The following TNRC6A variants were observed in gnomAD, a reference collection of about 807,000 sequenced individuals.
TNRC6A encodes trinucleotide repeat-containing gene 6A protein.
In TNRC6A, 44 loss-of-function variants were observed where a neutral mutation model predicts 221.2. The ratio of observed to expected loss-of-function variants is 0.20; its 90% CI spans 0.16 to 0.26. TNRC6A has a LOEUF of 0.26. TNRC6A is among the 10% of genes least tolerant of loss of function. TNRC6A has a pLI of 1.00. For synonymous variants in TNRC6A, 847 were observed against 838.5 expected (o/e 1.01, Z -0.18); for missense variants, 2,199 against 2,404.4 (o/e 0.91, Z 1.79).
intron 2 of TNRC6A, among the ~76,000 whole-genome samples, chr16:24,730,783 T>C (rs1431170218): frequency 8.2e-6 from 1 of 121,264 alleles, no homozygotes; most frequent in African/African-American, 3.2e-5. Flanking sequence ...GCGGATTCTG[T>C]TGCATTGGAC....
intron 22 of TNRC6A, 168 bp from the exon 23 acceptor site, chr16:24,821,909 G>T (rs775319816): frequency 3.1e-6 from 2 of 637,774 alleles, no homozygotes; most frequent in South Asian, 4.0e-5. Context: ...AGGAGTTAAT[G>T]CCTGGCCATG....
intron 1 of TNRC6A, among the ~76,000 whole-genome samples, chr16:24,636,900 A>AT (rs1004782809): frequency 6.6e-6 from 1 of 152,156 alleles, no homozygotes; most frequent in Non-Finnish European, 1.5e-5. Flanking sequence ...ATTTGTAAGC[A>AT]TTTTATGTAG....
rs1312069041 is a variant in TNRC6A, at chr16:24,820,221, T to C, written c.5163T>C (p.Pro1721=). Residue 1721 remains proline, a synonymous_variant, in exon 22 of 25, where the codon CCT becomes CCC. Coordinates refer to ENST00000395799, the MANE Select transcript of TNRC6A (RefSeq NM_014494.4). ...TSLAHELWKV[P]LPPKNITAPS... ...TGGCTCATGAGCTGTGGAAGGTCCC[T>C]TTGCCACCTAAAAACATCACTGCTC... 6.2e-6 allele frequency: 10 copies of C among 1,614,014 alleles called. No individual in the cohort carries two copies. The East Asian group carries it at 1.6e-4, about 25-fold the overall frequency.
chr16:24,629,805 T>TA (rs951344274), intron 1 of TNRC6A, among the ~76,000 whole-genome samples: 3 of 151,874 alleles, frequency 2.0e-5, no homozygotes, highest in African/African-American at 7.3e-5. Context: ...CCTGACTCTA[T>TA]AAAAAAGTAC....
chr16:24,806,976 A>G (rs2058445716), intron 17 of TNRC6A, among the ~76,000 whole-genome samples, 192 bp downstream of exon 17: 1 of 151,642 alleles, frequency 6.6e-6, no homozygotes, highest in Non-Finnish European at 1.5e-5. Context: ...TCTCTCCTCA[A>G]GAAAATCACG....
chr16:24,632,093 C>G (rs1455851053), intron 1 of TNRC6A, among the ~76,000 whole-genome samples: 1 of 152,124 alleles, frequency 6.6e-6, no homozygotes, highest in Non-Finnish European at 1.5e-5. Flanking sequence ...TTAAATGATT[C>G]TCCTGCCTCT....
intron 5 of TNRC6A, among the ~76,000 whole-genome samples, chr16:24,780,770 A>G: frequency 6.7e-6 from 1 of 149,606 alleles, no homozygotes; most frequent in South Asian, 2.1e-4. Flanking sequence ...TTTTTTTTTT[A>G]AAGAAAAAGA....
At chr16:24,692,071 T>C (rs982115516) in intron 2 of TNRC6A, among the ~76,000 whole-genome samples, 4 of 152,190 alleles carry the variant, frequency 2.6e-5, no homozygotes, top group African/African-American at 9.6e-5. Context: ...GTCCACAAAG[T>C]ATACTTTGCT....
At chr16:24,614,125 C>T (rs1900219342) in intron 1 of TNRC6A, among the ~76,000 whole-genome samples, 1 of 152,166 alleles carries the variant, frequency 6.6e-6, no homozygotes, top group African/African-American at 2.4e-5. Context: ...TGCTGATTGG[C>T]AGGGGCAATT....
At chr16:24,677,409 C>T (rs1235901583) in intron 2 of TNRC6A, among the ~76,000 whole-genome samples, 2 of 152,120 alleles carry the variant, frequency 1.3e-5, no homozygotes, top group East Asian at 3.9e-4. Context: ...GTGATCCGCC[C>T]ACCTTGGCCT....
intron 9 of TNRC6A, 124 bp from the exon 10 acceptor site, chr16:24,797,366 T>C (rs2058240182): frequency 1.6e-6 from 1 of 640,492 alleles, no homozygotes; most frequent in African/African-American, 1.9e-5. Context: ...TAAGAGTTGA[T>C]TGGAGGAGAA....
At chr16:24,808,467 C>G (rs987575296) in intron 17 of TNRC6A, among the ~76,000 whole-genome samples, 59 of 152,178 alleles carry the variant, frequency 3.9e-4, no homozygotes, top group African/African-American at 1.4e-3. Flanking sequence ...CGTGCTGCAC[C>G]AGCAGAGTTG....
intron 2 of TNRC6A, among the ~76,000 whole-genome samples, chr16:24,672,279 G>A (rs973265968): frequency 6.6e-6 from 1 of 151,910 alleles, no homozygotes; most frequent in Non-Finnish European, 1.5e-5. Context: ...ACGCCGCCAC[G>A]CCTGGCTAAT....
In TNRC6A at chr16:24,774,032, C is replaced by G. The variant is rs138072639; in HGVS notation, c.164-2901C>G. Among the ~76,000 whole-genome samples, 216 of 152,224 alleles carry G rather than the reference C, an allele frequency of 1.4e-3. 2 individuals carry two copies. Among genetic ancestry groups the G allele is most frequent in the African/African-American group, 5.0e-3 (207 of 41,532 alleles). On this transcript the variant is annotated intron_variant, in intron 4 of 24. Coordinates refer to ENST00000395799, the MANE Select transcript of TNRC6A (RefSeq NM_014494.4). ...GGCTTCTATTTAGCATCCTAGTTTG[C>G]ATTAACCAGAATTTTGAAATTTTTT... is the stretch of plus-strand genomic sequence containing the variant.
At chr16:24,711,843 T>C (rs2056211692) in intron 2 of TNRC6A, among the ~76,000 whole-genome samples, 1 of 152,080 alleles carries the variant, frequency 6.6e-6, no homozygotes, top group Non-Finnish European at 1.5e-5. Context: ...TTTTTAAAAA[T>C]AGAGATGGAA....
In TNRC6A at chr16:24,825,964, ATGT is replaced by A. The variant is rs1472885192; in HGVS notation, c.*2161_*2163del. The A allele has an allele frequency of 6.6e-6, 1 of 152,636 alleles. No individual in the cohort carries two copies. Among genetic ancestry groups the A allele is most frequent in the Middle Eastern group, 3.2e-3 (1 of 316 alleles). 9.5% of individuals were successfully genotyped at this position (152,636 alleles called of 1,614,324 possible). A position where few individuals can be genotyped will look rare whatever the true frequency, so the allele number is the denominator to read the frequency against. ...GCTCCAACTTGCCAGGTGTGAGCTA[ATGT>A]TGTCGGACACCTTACTATAAGCAAA... On this transcript the variant is annotated 3_prime_UTR_variant, in exon 25 of 25. Coordinates refer to ENST00000395799, the MANE Select transcript of TNRC6A (RefSeq NM_014494.4).
At chr16:24,646,521 T>G (rs1902298268) in intron 2 of TNRC6A, among the ~76,000 whole-genome samples, 1 of 152,242 alleles carries the variant, frequency 6.6e-6, no homozygotes, top group Non-Finnish European at 1.5e-5. Flanking sequence ...GTATTTATCA[T>G]ACAGTGGGAT....
rs566121078 is a variant in TNRC6A at position 24,745,428 on chromosome 16, A to G, written c.54-5298A>G. The stretch of plus-strand genomic sequence containing the variant: ...GGGAAAAGAGGAAGACTGGAAGGAA[A>G]TAGAAGAAGGTGGGATCTGCATGGG... On this transcript the variant is annotated intron_variant, in intron 2 of 24. Coordinates refer to ENST00000395799, the MANE Select transcript of TNRC6A (RefSeq NM_014494.4). 1.5e-4 allele frequency among the ~76,000 whole-genome samples: 23 copies of G among 152,344 alleles called. No individual in the cohort carries two copies. In the South Asian group the frequency reaches 3.7e-3, roughly 25 times the overall value.
At chr16:24,722,525 C>G (rs1219288314) in intron 2 of TNRC6A, among the ~76,000 whole-genome samples, 1 of 152,114 alleles carries the variant, frequency 6.6e-6, no homozygotes, top group South Asian at 2.1e-4. Flanking sequence ...AACCTCCACT[C>G]CCGGGTTCAA....
Sources: allele counts gnomAD v4.1 joint callset (sites outside exome capture counted in the v4.1 genomes callset), GRCh38; gene constraint gnomAD v4.1.1; transcripts MANE v1.5; gene names NCBI Gene and HGNC (gene_info 2026-07-23, HGNC 2026-07-21).